The following THSD7A variants were observed in gnomAD, a reference collection of about 807,000 sequenced individuals.
The protein encoded by THSD7A is thrombospondin type 1 domain containing 7A.
Under a neutral mutation model 231.3 loss-of-function variants are expected in THSD7A, and 96 were observed. The ratio of observed to expected loss-of-function variants is 0.41; its 90% CI spans 0.35 to 0.49. The LOEUF is 0.49. Ranked by LOEUF, THSD7A falls within the 20% of genes least tolerant of loss-of-function variation. The pLI, the probability that THSD7A is intolerant of heterozygous loss-of-function variation, is 0.05. For missense variants in THSD7A, 2,290 were observed against 2,070.2 expected (o/e 1.11, Z -2.06); for synonymous variants, 940 against 743.3 (o/e 1.26, Z -4.30).
intron 1 of THSD7A, among the ~76,000 whole-genome samples, chr7:11,729,574 G>A (rs1477107181): frequency 1.3e-5 from 2 of 151,808 alleles, no homozygotes; most frequent in African/African-American, 4.8e-5. Context: ...AATAGTGGCA[G>A]TGAACACAAG....
intron 23 of THSD7A, among the ~76,000 whole-genome samples, chr7:11,399,880 T>C (rs1451149410): frequency 6.6e-6 from 1 of 152,158 alleles, no homozygotes; most frequent in Non-Finnish European, 1.5e-5. Flanking sequence ...ATTGCGGCAC[T>C]ATTCACAATA....
At chr7:11,749,372 G>A (rs1782424183) in intron 1 of THSD7A, among the ~76,000 whole-genome samples, 2 of 152,016 alleles carry the variant, frequency 1.3e-5, no homozygotes, top group East Asian at 2.0e-4. Flanking sequence ...CTTAGAGCAT[G>A]TTGGTTATCT....
chr7:11,725,796 G>C (rs1012487221), intron 1 of THSD7A, among the ~76,000 whole-genome samples: 5 of 151,782 alleles, frequency 3.3e-5, no homozygotes, highest in Non-Finnish European at 7.4e-5. Flanking sequence ...GAACCAAACT[G>C]TAGATTCAGT....
chr7:11,609,412 C>A (rs982390966), intron 2 of THSD7A, among the ~76,000 whole-genome samples: 1 of 152,036 alleles, frequency 6.6e-6, no homozygotes, highest in Non-Finnish European at 1.5e-5. Context: ...ATGAGACACC[C>A]AGAACTGGGA....
At chr7:11,768,429 G>T (rs945282436) in intron 1 of THSD7A, among the ~76,000 whole-genome samples, 1 of 152,182 alleles carries the variant, frequency 6.6e-6, no homozygotes, top group Non-Finnish European at 1.5e-5. Context: ...GCAACATGGA[G>T]TCATTTAGAC....
At chr7:11,429,277 A>G (rs1441832085) in intron 13 of THSD7A, among the ~76,000 whole-genome samples, 152 bp from the exon 14 acceptor site, 1 of 152,196 alleles carries the variant, frequency 6.6e-6, no homozygotes, top group African/African-American at 2.4e-5. Flanking sequence ...CTTGAATTAA[A>G]TTCTGCAGGG....
intron 1 of THSD7A, among the ~76,000 whole-genome samples, chr7:11,740,038 G>C (rs1183099057): frequency 3.3e-5 from 5 of 152,004 alleles, no homozygotes; most frequent in African/African-American, 1.2e-4. Flanking sequence ...GAGGGAGGAA[G>C]AAACTTTTAT....
chr7:11,613,764 T>C (rs1033083082), intron 2 of THSD7A, among the ~76,000 whole-genome samples: 1 of 152,180 alleles, frequency 6.6e-6, no homozygotes, highest in Non-Finnish European at 1.5e-5. Flanking sequence ...AGCAGTAAAT[T>C]GAGCACTGAA....
intron 4 of THSD7A, among the ~76,000 whole-genome samples, chr7:11,560,337 G>C (rs911031197): frequency 6.6e-6 from 1 of 152,090 alleles, no homozygotes; most frequent in Non-Finnish European, 1.5e-5. Context: ...GGCTGGCCTG[G>C]CACTCACACC....
chr7:11,745,794 A>G (rs1185918653), intron 1 of THSD7A, among the ~76,000 whole-genome samples: 1 of 151,912 alleles, frequency 6.6e-6, no homozygotes, highest in Non-Finnish European at 1.5e-5. Flanking sequence ...GTTCTGTTCC[A>G]TTGGTCTATA....
chr7:11,735,750 A>G (rs1781894006), intron 1 of THSD7A, among the ~76,000 whole-genome samples: 1 of 151,958 alleles, frequency 6.6e-6, no homozygotes, highest in Non-Finnish European at 1.5e-5. Context: ...TAATGCTAAA[A>G]TTGTTAGCAT....
At chr7:11,631,795 C>G (rs1781664217) in intron 2 of THSD7A, among the ~76,000 whole-genome samples, 1 of 152,188 alleles carries the variant, frequency 6.6e-6, no homozygotes, top group South Asian at 2.1e-4. Flanking sequence ...AGTTTGGTGA[C>G]TGGAACTTTT....
intron 1 of THSD7A, among the ~76,000 whole-genome samples, chr7:11,772,540 C>T (rs567715891): frequency 6.6e-6 from 1 of 151,742 alleles, no homozygotes; most frequent in African/African-American, 2.4e-5. Context: ...TACTATGTAC[C>T]CATAAAAAAA....
intron 16 of THSD7A, among the ~76,000 whole-genome samples, chr7:11,419,990 C>G (rs10950348): frequency 0.41 from 62,950 of 151,986 alleles, 13,525 homozygotes; most frequent in African/African-American, 0.52. Flanking sequence ...ATGTGGCCTG[C>G]CTGCTTCTAA....
chr7:11,475,382 C>A (rs1016153153), intron 7 of THSD7A, among the ~76,000 whole-genome samples: 2 of 151,804 alleles, frequency 1.3e-5, no homozygotes, highest in African/African-American at 4.8e-5. Flanking sequence ...CAGCACAGCC[C>A]CACCTCCCGG....
intron 2 of THSD7A, among the ~76,000 whole-genome samples, chr7:11,611,836 ATCTGT>A (rs1780939025): frequency 2.2e-4 from 30 of 135,322 alleles, no homozygotes; most frequent in South Asian, 9.8e-4. Flanking sequence ...ACACACTATC[ATCTGT>A]CTATCTATCT....
chr7:11,670,925 C>G (rs924168410), intron 1 of THSD7A, among the ~76,000 whole-genome samples: 2 of 152,174 alleles, frequency 1.3e-5, no homozygotes, highest in Admixed American at 6.6e-5. Context: ...CAGCAACCAG[C>G]ACAGCAACTG....
At chr7:11,723,599 T>C (rs992444341) in intron 1 of THSD7A, among the ~76,000 whole-genome samples, 1 of 151,890 alleles carries the variant, frequency 6.6e-6, no homozygotes, top group African/African-American at 2.4e-5. Context: ...TATGTATTTG[T>C]TGGTTAGTTG....
At chr7:11,826,028 T>C (rs1478812353) in intron 1 of THSD7A, among the ~76,000 whole-genome samples, 2 of 152,218 alleles carry the variant, frequency 1.3e-5, no homozygotes, top group African/African-American at 4.8e-5. Flanking sequence ...CATTGGAGAA[T>C]ATTTTATATG....
Sources: gnomAD v4.1 joint callset for allele counts (sites outside exome capture counted in the v4.1 genomes callset) on GRCh38, gnomAD v4.1.1 for gene constraint, MANE v1.5 for transcripts, NCBI Gene and HGNC (gene_info 2026-07-23, HGNC 2026-07-21) for gene names.